The following PTPRD variants were observed in gnomAD, a reference collection of about 807,000 sequenced individuals.
PTPRD encodes the protein receptor-type tyrosine-protein phosphatase delta.
PTPRD carries 34 observed loss-of-function variants against 214.5 expected under a neutral mutation model. The observed-to-expected ratio is 0.16, with a 90% CI of 0.12 to 0.21. PTPRD has a LOEUF of 0.21. PTPRD is among the 10% of genes least tolerant of loss of function. The probability of loss-of-function intolerance (pLI) is 1.00; values close to 1 mark genes in which losing one functional copy is unlikely to be tolerated. For missense variants in PTPRD, 2,545 were observed against 2,398.7 expected (o/e 1.06, Z -1.27); for synonymous variants, 1,128 against 845.7 (o/e 1.33, Z -5.79).
intron 7 of PTPRD, among the ~76,000 whole-genome samples, chr9:9,687,310 C>A (rs187887057): frequency 5.9e-4 from 90 of 151,918 alleles, no homozygotes; most frequent in African/African-American, 2.1e-3. Flanking sequence ...AAACCTTACA[C>A]AGGTGGGAGA....
At chr9:9,484,748 G>C (rs1228366083) in intron 8 of PTPRD, among the ~76,000 whole-genome samples, 1 of 152,098 alleles carries the variant, frequency 6.6e-6, no homozygotes, top group Non-Finnish European at 1.5e-5. Flanking sequence ...TTACATTGCA[G>C]AATGAAGATC....
chr9:10,253,137 TCA>T (rs2092938599), intron 3 of PTPRD, among the ~76,000 whole-genome samples: 1 of 152,128 alleles, frequency 6.6e-6, no homozygotes, highest in African/African-American at 2.4e-5. Flanking sequence ...ATACAGAGCT[TCA>T]CAGTTAAATT....
chr9:8,560,967 T>C (rs767328865), intron 14 of PTPRD, among the ~76,000 whole-genome samples: 39 of 149,580 alleles, frequency 2.6e-4, no homozygotes, highest in Admixed American at 7.3e-4. Context: ...GTGATGACAG[T>C]GAAAGGAGGC....
intron 12 of PTPRD, among the ~76,000 whole-genome samples, chr9:8,710,356 C>G (rs2098305691): frequency 6.6e-6 from 1 of 152,170 alleles, no homozygotes. Flanking sequence ...GTGGCTTATG[C>G]CTGTAATCCT....
At chr9:9,295,676 G>T (rs1246526793) in intron 9 of PTPRD, among the ~76,000 whole-genome samples, 2 of 151,734 alleles carry the variant, frequency 1.3e-5, no homozygotes, top group Non-Finnish European at 2.9e-5. Flanking sequence ...TAACCAGATG[G>T]TAGTATGTGT....
intron 11 of PTPRD, among the ~76,000 whole-genome samples, chr9:8,989,106 T>C (rs984812219): frequency 4.6e-5 from 7 of 152,084 alleles, no homozygotes; most frequent in African/African-American, 1.7e-4. Context: ...GATAGTTGTA[T>C]ATATTTTTGG....
chr9:10,246,242 T>C (rs577116988), intron 3 of PTPRD, among the ~76,000 whole-genome samples: 1 of 152,104 alleles, frequency 6.6e-6, no homozygotes, highest in South Asian at 2.1e-4. Flanking sequence ...GATTGGCTAT[T>C]TTTGTTTTGT....
chr9:8,557,455 T>TATATATACACACATACACATAC lies in PTPRD; in HGVS notation c.353-28677_353-28676insGTATGTGTATGTGTGTATATAT. On this transcript the variant is annotated intron_variant, in intron 14 of 45. Coordinates refer to ENST00000381196, the MANE Select transcript of PTPRD (RefSeq NM_002839.4). ...AAATACATATATATATATATATATA[T>TATATATACACACATACACATAC]ATTTGGGCCGGGCGCGGTGGCTCAT... 1.1e-3 allele frequency among the ~76,000 whole-genome samples: 151 copies of TATATATACACACATACACATAC among 135,618 alleles called. 5 individuals carry two copies. Among genetic ancestry groups the TATATATACACACATACACATAC allele is most frequent in the African/African-American group, 5.1e-3 (147 of 28,784 alleles). 89.0% of individuals were successfully genotyped at this position (135,618 alleles called of 152,430 possible).
intron 3 of PTPRD, among the ~76,000 whole-genome samples, chr9:10,277,817 G>C (rs537590659): frequency 1.3e-5 from 2 of 152,228 alleles, no homozygotes; most frequent in African/African-American, 4.8e-5. Context: ...ATTCTGAGGA[G>C]ATTCTGGCAA....
At chr9:8,332,690 A>G (rs1359789041) in intron 43 of PTPRD, among the ~76,000 whole-genome samples, 1 of 152,054 alleles carries the variant, frequency 6.6e-6, no homozygotes, top group Non-Finnish European at 1.5e-5. Context: ...AGGTGTTTCT[A>G]GAAGTACAAG....
At chr9:8,878,282 A>G (rs2098412248) in intron 11 of PTPRD, among the ~76,000 whole-genome samples, 1 of 152,148 alleles carries the variant, frequency 6.6e-6, no homozygotes, top group African/African-American at 2.4e-5. Flanking sequence ...TTCCGGGCAC[A>G]GACAATACTT....
At chr9:8,545,531 A>AGT (rs1427475843) in intron 14 of PTPRD, among the ~76,000 whole-genome samples, 15 of 152,352 alleles carry the variant, frequency 9.8e-5, no homozygotes, top group African/African-American at 3.6e-4. Context: ...CCTAGAACAG[A>AGT]GTCAACTATC....
intron 2 of PTPRD, among the ~76,000 whole-genome samples, chr9:10,609,604 T>C (rs2080412148): frequency 6.6e-6 from 1 of 152,144 alleles, no homozygotes; most frequent in Non-Finnish European, 1.5e-5. Flanking sequence ...AAAATGTGCA[T>C]TTGCAGAACT....
At chr9:9,947,587 TATATATA>T (rs2092932541) in intron 4 of PTPRD, among the ~76,000 whole-genome samples, 2 of 49,772 alleles carry the variant, frequency 4.0e-5, no homozygotes, top group Admixed American at 3.5e-4. Context: ...ATATATATAT[TATATATA>T]TAATATATAT....
At chr9:9,958,096 C>T (rs745530391) in intron 4 of PTPRD, among the ~76,000 whole-genome samples, 21 of 152,056 alleles carry the variant, frequency 1.4e-4, no homozygotes, top group Non-Finnish European at 2.8e-4. Flanking sequence ...GATCAAACAC[C>T]TAAATATTAA....
At chr9:10,587,172 A>G (rs1303725333) in intron 2 of PTPRD, among the ~76,000 whole-genome samples, 1 of 152,124 alleles carries the variant, frequency 6.6e-6, no homozygotes, top group Non-Finnish European at 1.5e-5. Context: ...AACAAGTCAA[A>G]GAAGCTGACA....
rs753838766 is a variant in PTPRD, at chr9:8,929,719, GTA to G, written c.-104+88976_-104+88977del. On this transcript the variant is annotated intron_variant, in intron 11 of 45. Transcript: ENST00000381196. Reference sequence around the variant, plus strand: ...TATATATATGTGTATATATATATGTGTATATATATATGTGTATATATATGTGT... The same window carrying G: ...TATATATATGTGTATATATATATGTGTATATATATGTGTATATATATGTGT... Among the ~76,000 whole-genome samples, 400 of 84,142 alleles carry G rather than the reference GTA, an allele frequency of 4.8e-3. 7 individuals carry two copies. Among genetic ancestry groups the G allele is most frequent in the African/African-American group, 0.013 (329 of 24,732 alleles). 55.2% of individuals were successfully genotyped at this position (84,142 alleles called of 152,430 possible). A position where few individuals can be genotyped will look rare whatever the true frequency, so the allele number is the denominator to read the frequency against.
chr9:9,776,253 C>G (rs183955550), intron 5 of PTPRD, among the ~76,000 whole-genome samples: 5 of 152,292 alleles, frequency 3.3e-5, no homozygotes, highest in Admixed American at 3.3e-4. Flanking sequence ...ATCCTCCTAT[C>G]TAAAACTCTA....
chr9:8,828,147 C>G (rs1225764083), intron 11 of PTPRD, among the ~76,000 whole-genome samples: 1 of 152,160 alleles, frequency 6.6e-6, no homozygotes, highest in Non-Finnish European at 1.5e-5. Context: ...GAAAGAGAAT[C>G]ATTTCTGTCT....
Sources: allele counts gnomAD v4.1 joint callset (sites outside exome capture counted in the v4.1 genomes callset), GRCh38; gene constraint gnomAD v4.1.1; transcripts MANE v1.5; gene names NCBI Gene and HGNC (gene_info 2026-07-23, HGNC 2026-07-21).